Variants in ASIC2 observed in about 807,000 individuals in gnomAD.
The protein encoded by ASIC2 is acid sensing ion channel subunit 2.
A neutral mutation model predicts 57.3 loss-of-function variants in ASIC2; 25 were observed. The observed-to-expected ratio is 0.44, with a 90% CI of 0.32 to 0.61. ASIC2 has a LOEUF of 0.61. ASIC2 is among the 20% of genes least tolerant of loss of function. The pLI is 0.06. For missense variants in ASIC2, 641 were observed against 738.1 expected, an observed-to-expected ratio of 0.87 and a Z score of 1.52; for synonymous variants, 319 against 307.5, an observed-to-expected ratio of 1.04 and a Z score of -0.39.
At chr17:33,980,444 G>C (rs970377700) in intron 1 of ASIC2, among the ~76,000 whole-genome samples, 1 of 152,198 alleles carries the variant, frequency 6.6e-6, no homozygotes, top group African/African-American at 2.4e-5. Flanking sequence ...GGAAGTGAAA[G>C]AATGAAGTGA....
At chr17:33,365,114 C>T (rs1322139604) in intron 1 of ASIC2, among the ~76,000 whole-genome samples, 2 of 152,162 alleles carry the variant, frequency 1.3e-5, no homozygotes, top group Non-Finnish European at 2.9e-5. Flanking sequence ...ACAATGTTTC[C>T]TAAACATGCT....
chr17:33,017,886 G>T (rs1255296003), intron 7 of ASIC2, among the ~76,000 whole-genome samples: 3 of 152,230 alleles, frequency 2.0e-5, no homozygotes, highest in Non-Finnish European at 4.4e-5. Context: ...ATTCAGTGGG[G>T]TCGGGGACTA....
chr17:33,858,280 T>C (rs1454522285), intron 1 of ASIC2, among the ~76,000 whole-genome samples: 1 of 152,184 alleles, frequency 6.6e-6, no homozygotes, highest in Non-Finnish European at 1.5e-5. Context: ...CCTCACTCTA[T>C]AGCCAGAGAA....
intron 1 of ASIC2, among the ~76,000 whole-genome samples, chr17:34,021,044 C>T (rs927967558): frequency 2.5e-4 from 38 of 152,100 alleles, no homozygotes; most frequent in African/African-American, 9.2e-4. Flanking sequence ...AGTATCAAGA[C>T]TACTGCCATC....
chr17:33,180,527 C>T (rs1040199801), intron 1 of ASIC2, among the ~76,000 whole-genome samples: 1 of 152,148 alleles, frequency 6.6e-6, no homozygotes, highest in Non-Finnish European at 1.5e-5. Flanking sequence ...GGAATAGCTT[C>T]ACTGAACTCC....
chr17:33,241,833 C>T (rs1387894200), intron 1 of ASIC2, among the ~76,000 whole-genome samples: 1 of 152,198 alleles, frequency 6.6e-6, no homozygotes, highest in Non-Finnish European at 1.5e-5. Context: ...ACAGCCAAGC[C>T]ACAAGATGCA....
At chr17:33,247,101 A>G (rs756058768) in intron 1 of ASIC2, among the ~76,000 whole-genome samples, 4 of 152,236 alleles carry the variant, frequency 2.6e-5, no homozygotes, top group Non-Finnish European at 5.9e-5. Flanking sequence ...TCATTGTTCG[A>G]TAGAGCGTTT....
chr17:33,119,785 T>C (rs2092294328), intron 1 of ASIC2, among the ~76,000 whole-genome samples: 1 of 152,232 alleles, frequency 6.6e-6, no homozygotes, highest in Non-Finnish European at 1.5e-5. Flanking sequence ...AGGTGCTGTT[T>C]CTGAAAATAA....
chr17:34,077,850 C>T (rs867806217), intron 1 of ASIC2, among the ~76,000 whole-genome samples: 58 of 152,088 alleles, frequency 3.8e-4, no homozygotes, highest in African/African-American at 1.4e-3. Context: ...ACATCACAGC[C>T]GAAAAGCATT....
intron 1 of ASIC2, among the ~76,000 whole-genome samples, chr17:33,178,410 G>A (rs1905846230): frequency 1.3e-5 from 2 of 152,208 alleles, no homozygotes; most frequent in Non-Finnish European, 2.9e-5. Flanking sequence ...ATGCTCTTTA[G>A]GGATAATGTA....
chr17:33,205,565 C>G (rs1159667318), intron 1 of ASIC2, among the ~76,000 whole-genome samples: 1 of 152,184 alleles, frequency 6.6e-6, no homozygotes, highest in Non-Finnish European at 1.5e-5. Flanking sequence ...GGAACAAACA[C>G]TTTTTTGGTT....
intron 1 of ASIC2, among the ~76,000 whole-genome samples, chr17:33,506,269 T>C (rs370562606): frequency 1.9e-3 from 281 of 148,142 alleles, no homozygotes; most frequent in African/African-American, 5.6e-3. Context: ...AAAAATTAGC[T>C]GGGTGTGGTG....
upstream of ASIC2, among the ~76,000 whole-genome samples, chr17:33,297,395 AGGAATTTCATGGAGGTGGT>A (rs1259489220): frequency 1.3e-5 from 2 of 152,124 alleles, no homozygotes; most frequent in Non-Finnish European, 2.9e-5. Flanking sequence ...CCCTTGCTTC[AGGAATTTCATGGAGGTGGT>A]GGGTGGAGAG....
chr17:33,297,731 G>A (rs945006256), upstream of ASIC2, among the ~76,000 whole-genome samples: 23 of 151,876 alleles, frequency 1.5e-4, no homozygotes, highest in Non-Finnish European at 4.4e-5. Context: ...GGCTGAAGTG[G>A]GGGGATCCTG....
chr17:34,111,201 G>A (rs1394115603), intron 1 of ASIC2, among the ~76,000 whole-genome samples: 1 of 150,794 alleles, frequency 6.6e-6, no homozygotes, highest in South Asian at 2.1e-4. Flanking sequence ...ACTCCAGCCT[G>A]GGCAACATAG....
intron 1 of ASIC2, among the ~76,000 whole-genome samples, chr17:33,501,003 T>A (rs952031767): frequency 8.5e-5 from 13 of 152,234 alleles, no homozygotes; most frequent in Non-Finnish European, 4.4e-5. Flanking sequence ...GGCAACGCAG[T>A]GTCCTGGATG....
At chr17:34,071,776 G>A (rs1598007135) in intron 1 of ASIC2, 1 of 151,748 alleles carries the variant, frequency 6.6e-6, no homozygotes, top group East Asian at 1.9e-4. Context: ...GTTGCAGTGA[G>A]CTGAGATGGT....
At chr17:33,762,140 G>A (rs978447605) in intron 1 of ASIC2, among the ~76,000 whole-genome samples, 4 of 152,146 alleles carry the variant, frequency 2.6e-5, no homozygotes, top group Non-Finnish European at 2.9e-5. Context: ...TGCTGAGAAT[G>A]GTATGTAGGC....
chr17:33,686,352 T>C (rs1908190949), intron 1 of ASIC2, among the ~76,000 whole-genome samples: 1 of 152,182 alleles, frequency 6.6e-6, no homozygotes, highest in South Asian at 2.1e-4. Context: ...GCACCCAGGG[T>C]ACTTTGCGGG....
Sources: gnomAD v4.1 joint callset for allele counts (sites outside exome capture counted in the v4.1 genomes callset) on GRCh38, gnomAD v4.1.1 for gene constraint, MANE v1.5 for transcripts, NCBI Gene and HGNC (gene_info 2026-07-23, HGNC 2026-07-21) for gene names.